Variants in TTC12 observed in about 807,000 individuals in gnomAD.
TTC12 encodes tetratricopeptide repeat domain 12.
TTC12 carries 70 observed loss-of-function variants against 90.1 expected under a neutral mutation model. That is an observed-to-expected ratio of 0.78 (90% CI 0.64 to 0.95). TTC12 has a LOEUF of 0.95. TTC12 is among the 40% of genes least tolerant of loss of function. The pLI, the probability that TTC12 is intolerant of heterozygous loss-of-function variation, is 0.00. For synonymous variants in TTC12, 296 were observed against 311.5 expected, an observed-to-expected ratio of 0.95 and a Z score of 0.53; for missense variants, 819 against 846.1, an observed-to-expected ratio of 0.97 and a Z score of 0.40.
chr11:113,345,298 T>C (rs1948886953), intron 13 of TTC12, among the ~76,000 whole-genome samples: 1 of 152,230 alleles, frequency 6.6e-6, no homozygotes, highest in Non-Finnish European at 1.5e-5. Flanking sequence ...TATTTTGTTT[T>C]ATCTCCCCTC....
intron 15 of TTC12, among the ~76,000 whole-genome samples, 166 bp from the exon 16 acceptor site, chr11:113,351,904 T>C (rs931034083): frequency 7.2e-5 from 11 of 152,250 alleles, no homozygotes; most frequent in Non-Finnish European, 1.6e-4. Context: ...TTTACCCCTC[T>C]ATGTGCCTCC....
At chr11:113,325,696 A>G (rs1299003458) in intron 6 of TTC12, 51 bp downstream of exon 6, 1 of 1,601,606 alleles carries the variant, frequency 6.2e-7, no homozygotes, top group Non-Finnish European at 8.5e-7. Flanking sequence ...AATAGTTGCC[A>G]CTAAACTTGG....
intron 6 of TTC12, among the ~76,000 whole-genome samples, chr11:113,328,556 A>AT (rs148925136): frequency 0.032 from 4,767 of 148,014 alleles, 108 homozygotes; most frequent in Non-Finnish European, 0.051. Flanking sequence ...TACTTCTTTC[A>AT]TTTTTTTTTT....
In TTC12 at chr11:113,323,408, C is replaced by T; in HGVS notation, c.179C>T (p.Thr60Ile). 6.2e-7 allele frequency: 1 copy of T among 1,611,730 alleles called. No homozygotes were observed. The highest frequency in any genetic ancestry group is 1.1e-5 in the South Asian group (1 of 90,632). Residue 60 changes from threonine to isoleucine, a missense_variant, in exon 3 of 22, where the codon ACC becomes ATC. Transcript: ENST00000529221. ...CAGGAGGAGGATGAATGCAGGACCACCTTGAACAAGACTATGATCAGTCCT... is the reference window on the plus strand; with the variant it reads ...CAGGAGGAGGATGAATGCAGGACCATCTTGAACAAGACTATGATCAGTCCT... ...EDQEEDECRT[T>I]LNKTMISPPQ...
intron 2 of TTC12, among the ~76,000 whole-genome samples, chr11:113,320,653 C>A (rs947988801): frequency 6.6e-6 from 1 of 152,212 alleles, no homozygotes; most frequent in Non-Finnish European, 1.5e-5. Flanking sequence ...GCTGTCACTT[C>A]CCTCTGCCCT....
At chr11:113,359,124 TA>T (rs1367819373) in intron 16 of TTC12, among the ~76,000 whole-genome samples, 1 of 151,878 alleles carries the variant, frequency 6.6e-6, no homozygotes, top group East Asian at 1.9e-4. Context: ...CTCTTCACTT[TA>T]AACCCAGGAC....
At chr11:113,365,499 G>A in intron 21 of TTC12, 1 of 210,982 alleles carries the variant, frequency 4.7e-6, no homozygotes, top group Non-Finnish European at 9.9e-6. Context: ...TGGAGGAACG[G>A]CCAGCAAGGG....
At chr11:113,365,342 C>A in intron 21 of TTC12, 1 of 418,656 alleles carries the variant, frequency 2.4e-6, no homozygotes, top group Non-Finnish European at 4.5e-6. Context: ...CCATTCTCCA[C>A]TGTTTTGCAT....
At chr11:113,350,226 C>T in intron 14 of TTC12, 61 bp downstream of exon 14, 1 of 1,308,192 alleles carries the variant, frequency 7.6e-7, no homozygotes, top group African/African-American at 1.5e-5. Flanking sequence ...ACTGTCTGAT[C>T]TTTAAAAATG....
chr11:113,364,494 G>A, intron 20 of TTC12: 1 of 320,920 alleles, frequency 3.1e-6, no homozygotes, highest in Non-Finnish European at 6.0e-6. Flanking sequence ...TCCACCTGGG[G>A]GCTGTCAGAT....
At chr11:113,350,003 C>A in intron 13 of TTC12, 70 bp from the exon 14 acceptor site, 1 of 1,288,746 alleles carries the variant, frequency 7.8e-7, no homozygotes, top group Non-Finnish European at 1.1e-6. Flanking sequence ...GGTTTCCTTG[C>A]AAGGTTACCC....
intron 5 of TTC12, among the ~76,000 whole-genome samples, chr11:113,325,091 T>C (rs1455083916): frequency 1.4e-4 from 22 of 152,006 alleles, no homozygotes; most frequent in Non-Finnish European, 2.9e-4. Context: ...AGGGATGGGA[T>C]TGTGTATGTT....
At position 113,330,721 on chromosome 11, in the gene TTC12, T is replaced by C. The variant is rs1194867098; in HGVS notation, c.504+742T>C. Among the ~76,000 whole-genome samples the C allele has an allele frequency of 2.0e-5, 3 of 152,334 alleles. No homozygotes were observed. The East Asian group carries it at 5.8e-4, about 29-fold the overall frequency. On this transcript the variant is annotated intron_variant, in intron 7 of 21. Transcript: ENST00000529221. ...CTATGCTGCTAACAGCAGAGGAGAA[T>C]GAACATGAGCCCCTCGAGAGGGACT...
At chr11:113,367,769 TTGATGTACTGCGCA>T (rs1201528850), downstream of TTC12, among the ~76,000 whole-genome samples, 1 of 152,216 alleles carries the variant, frequency 6.6e-6, no homozygotes, top group African/African-American at 2.4e-5. Flanking sequence ...CTCATTCAGA[TTGATGTACTGCGCA>T]TGGCTGGAGG....
rs372270280 is a variant in TTC12 at position 113,323,511 on chromosome 11, CAGT to C, written c.222+64_222+66del. 310 of 1,211,828 alleles carry C rather than the reference CAGT, an allele frequency of 2.6e-4. No individual in the cohort carries two copies. The African/African-American group carries it at 4.1e-3, about 16-fold the overall frequency. The allele number at this position is 1,211,828 out of a possible 1,614,324, so 75.1% of individuals were successfully genotyped here. ...TACAGTGAGAAGACCTACACCTAGG[CAGT>C]AGTTTAATCTCAAACTGTCCAGCAA... On this transcript the variant is annotated intron_variant, in intron 3 of 21. Coordinates refer to ENST00000529221, the MANE Select transcript of TTC12 (RefSeq NM_017868.4).
intron 6 of TTC12, 197 bp from the exon 7 acceptor site, chr11:113,329,723 G>A (rs148150816): frequency 2.9e-4 from 187 of 645,850 alleles, no homozygotes; most frequent in African/African-American, 2.8e-3. Flanking sequence ...TGCCTTCACC[G>A]TGGAAGAGGT....
At chr11:113,361,670 C>T (rs1202797230) in intron 18 of TTC12, among the ~76,000 whole-genome samples, 1 of 152,136 alleles carries the variant, frequency 6.6e-6, no homozygotes, top group African/African-American at 2.4e-5. Flanking sequence ...GGGGGTGCCA[C>T]CTCTATATCT....
intron 2 of TTC12, among the ~76,000 whole-genome samples, chr11:113,322,442 G>T (rs1482191030): frequency 6.6e-6 from 1 of 152,172 alleles, no homozygotes; most frequent in Admixed American, 6.5e-5. Context: ...AGGAAGGATG[G>T]ATGTAGGTAT....
At chr11:113,351,146 C>T in intron 14 of TTC12, 93 bp from the exon 15 acceptor site, 1 of 1,178,330 alleles carries the variant, frequency 8.5e-7, no homozygotes, top group Non-Finnish European at 1.3e-6. Context: ...TCATATGGAC[C>T]TAGAGTTTGC....
Sources: allele counts gnomAD v4.1 joint callset (sites outside exome capture counted in the v4.1 genomes callset), GRCh38; gene constraint gnomAD v4.1.1; transcripts MANE v1.5; gene names NCBI Gene and HGNC (gene_info 2026-07-23, HGNC 2026-07-21).